DDX10: variants seen among roughly 807,000 people sequenced by gnomAD.
DDX10 encodes the protein probable ATP-dependent RNA helicase DDX10.
In DDX10, 74 loss-of-function variants were observed where a neutral mutation model predicts 104.3. The ratio of observed to expected loss-of-function variants is 0.71; its 90% confidence interval spans 0.59 to 0.86. The LOEUF (loss-of-function observed/expected upper bound fraction) is 0.86, where lower values mean the gene tolerates loss of function less well. Ranked by LOEUF, DDX10 falls within the 40% of genes least tolerant of loss-of-function variation. The pLI is 0.00. For missense variants in DDX10, 952 were observed against 1,040.0 expected (o/e 0.92, Z 1.16); for synonymous variants, 351 against 353.4 (o/e 0.99, Z 0.08).
chr11:108,934,514 T>C (rs1473967559), intron 17 of DDX10, among the ~76,000 whole-genome samples: 1 of 152,080 alleles, frequency 6.6e-6, no homozygotes, highest in Non-Finnish European at 1.5e-5. Flanking sequence ...AATGAATATG[T>C]AAGATGAGGA....
intron 13 of DDX10, among the ~76,000 whole-genome samples, chr11:108,772,294 A>G (rs926831344): frequency 6.6e-6 from 1 of 152,178 alleles, no homozygotes; most frequent in African/African-American, 2.4e-5. Flanking sequence ...AAAAATCTTG[A>G]GATAAGGAGA....
chr11:108,697,929 A>G (rs1381766024), intron 9 of DDX10, among the ~76,000 whole-genome samples: 1 of 152,144 alleles, frequency 6.6e-6, no homozygotes, highest in Non-Finnish European at 1.5e-5. Context: ...ATATATAACT[A>G]TTTTTTTCCC....
chr11:108,678,838 T>C (rs1279199550), intron 5 of DDX10, among the ~76,000 whole-genome samples: 1 of 151,284 alleles, frequency 6.6e-6, no homozygotes, highest in Non-Finnish European at 1.5e-5. Context: ...CAGTGGAGAG[T>C]TCCTGCATTA....
At chr11:108,863,880 G>A (rs1439732598) in intron 16 of DDX10, among the ~76,000 whole-genome samples, 3 of 152,162 alleles carry the variant, frequency 2.0e-5, no homozygotes, top group Non-Finnish European at 4.4e-5. Context: ...CAGATTTTGG[G>A]CTTCAGTTCA....
At chr11:108,796,499 A>C (rs963324015) in intron 13 of DDX10, among the ~76,000 whole-genome samples, 1 of 152,216 alleles carries the variant, frequency 6.6e-6, no homozygotes. Context: ...GTCTATCACA[A>C]ATAGAATTCG....
intron 17 of DDX10, chr11:108,920,918 C>G (rs1863817325): frequency 1.3e-5 from 2 of 152,218 alleles, no homozygotes; most frequent in Non-Finnish European, 2.9e-5. Flanking sequence ...CAAAATTGCC[C>G]ACAGTTGAGA....
intron 1 of DDX10, among the ~76,000 whole-genome samples, chr11:108,672,541 G>A (rs2094218504): frequency 6.6e-6 from 1 of 152,234 alleles, no homozygotes; most frequent in African/African-American, 2.4e-5. Context: ...TTCAGCATTG[G>A]AGGGCACAGA....
chr11:108,903,711 A>C (rs564631046), intron 16 of DDX10, among the ~76,000 whole-genome samples: 1 of 152,174 alleles, frequency 6.6e-6, no homozygotes, highest in Non-Finnish European at 1.5e-5. Context: ...CTAACCAACC[A>C]TGGATACTGA....
intron 13 of DDX10, among the ~76,000 whole-genome samples, chr11:108,811,192 T>C (rs1004022538): frequency 1.3e-5 from 2 of 152,208 alleles, no homozygotes; most frequent in African/African-American, 4.8e-5. Flanking sequence ...GGGATGACTT[T>C]ATTGGCTTTG....
intron 13 of DDX10, among the ~76,000 whole-genome samples, chr11:108,779,724 G>A (rs1264493000): frequency 3.3e-5 from 5 of 152,126 alleles, no homozygotes; most frequent in African/African-American, 1.2e-4. Flanking sequence ...CTTCATGTTA[G>A]TTGCATAACA....
At chr11:108,897,417 T>A (rs1466060426) in intron 16 of DDX10, among the ~76,000 whole-genome samples, 1 of 152,174 alleles carries the variant, frequency 6.6e-6, no homozygotes, top group East Asian at 1.9e-4. Context: ...AACAAATGGG[T>A]ACCCAAAAAG....
At chr11:108,752,643 C>T (rs2094340100) in intron 13 of DDX10, among the ~76,000 whole-genome samples, 3 of 152,072 alleles carry the variant, frequency 2.0e-5, no homozygotes, top group African/African-American at 7.2e-5. Flanking sequence ...AGCCAGATTG[C>T]CACATGCCAT....
chr11:108,934,722 C>G (rs1323452396), intron 17 of DDX10, among the ~76,000 whole-genome samples: 1 of 152,216 alleles, frequency 6.6e-6, no homozygotes, highest in Non-Finnish European at 1.5e-5. Flanking sequence ...GGCGTTAACT[C>G]AGCAGAAGTT....
chr11:108,770,731 G>A (rs973477729), intron 13 of DDX10, among the ~76,000 whole-genome samples: 2 of 151,646 alleles, frequency 1.3e-5, no homozygotes, highest in African/African-American at 4.9e-5. Flanking sequence ...GTACTCCATT[G>A]TGCATATGTA....
In DDX10 at chr11:108,722,598, A is replaced by T. The variant is rs537826001; in HGVS notation, c.1500-399A>T. On this transcript the variant is annotated intron_variant, in intron 12 of 17. Coordinates refer to ENST00000322536, the MANE Select transcript of DDX10 (RefSeq NM_004398.4). ...ACTTAACATTTTATGAGGTACTCTC[A>T]TGTAGTTAGTTAATTGGATCCTTAC... is the stretch of plus-strand genomic sequence containing the variant. 8.5e-5 allele frequency among the ~76,000 whole-genome samples: 13 copies of T among 152,192 alleles called. No homozygotes were observed. The South Asian group carries it at 2.7e-3, about 32-fold the overall frequency.
intron 15 of DDX10, 65 bp downstream of exon 15, chr11:108,841,541 C>A (rs2134596193): frequency 7.4e-7 from 1 of 1,355,170 alleles, no homozygotes. Context: ...TCTAAATATT[C>A]ATTAGCTATT....
intron 17 of DDX10, among the ~76,000 whole-genome samples, chr11:108,927,976 T>C (rs991497909): frequency 8.5e-5 from 13 of 152,234 alleles, no homozygotes; most frequent in Non-Finnish European, 1.8e-4. Context: ...TTCTGATTAT[T>C]GTGTCCTCGC....
rs1449537724 is a variant in DDX10 at position 108,841,558 on chromosome 11, TAA to T, written c.2247+83_2247+84del. ...TAAATATTCATTAGCTATTCATTAA[TAA>T]GTGTATTATTTTCTTCATTGTTTTC... is the stretch of plus-strand genomic sequence containing the variant. On this transcript the variant is annotated intron_variant, in intron 15 of 17. Coordinates refer to ENST00000322536, the MANE Select transcript of DDX10 (RefSeq NM_004398.4). 5 of 1,237,626 alleles carry T rather than the reference TAA, an allele frequency of 4.0e-6. No homozygotes were observed. The African/African-American group carries it at 7.6e-5, about 19-fold the overall frequency. The allele number at this position is 1,237,626 out of a possible 1,614,324, so 76.7% of individuals were successfully genotyped here.
chr11:108,927,635 C>CTT (rs147115643), intron 17 of DDX10, among the ~76,000 whole-genome samples: 208 of 146,488 alleles, frequency 1.4e-3, no homozygotes, highest in African/African-American at 1.7e-3. Context: ...GCACTTGGAA[C>CTT]TTTTTTTTTT....
Sources: gnomAD v4.1 joint callset for allele counts (sites outside exome capture counted in the v4.1 genomes callset) on GRCh38, gnomAD v4.1.1 for gene constraint, MANE v1.5 for transcripts, NCBI Gene and HGNC (gene_info 2026-07-23, HGNC 2026-07-21) for gene names.